Variants in LRRC37A2 observed in about 807,000 individuals in gnomAD.
LRRC37A2 encodes leucine-rich repeat-containing protein 37A2.
In LRRC37A2, 9 loss-of-function variants were observed where a neutral mutation model predicts 68.8. That is an observed-to-expected ratio of 0.13 (90% CI 0.08 to 0.23). The LOEUF (loss-of-function observed/expected upper bound fraction) is 0.23. Among genes scored for constraint, LRRC37A2 ranks in the 10% least tolerant of loss-of-function variants. LRRC37A2 has a pLI of 1.00. For missense variants in LRRC37A2, 168 were observed against 950.4 expected (o/e 0.18, Z 10.82); for synonymous variants, 63 against 367.6 (o/e 0.17, Z 9.48).
the LRRC37A2 span, among the ~76,000 whole-genome samples, chr17:47,008,552 G>T: frequency 6.6e-6 from 1 of 151,152 alleles, no homozygotes; most frequent in African/African-American, 2.4e-5. Flanking sequence ...TCCACCTCCC[G>T]GGTTCAAGCA....
chr17:46,477,358 A>G, the LRRC37A2 span, among the ~76,000 whole-genome samples: 1 of 14,840 alleles, frequency 6.7e-5, no homozygotes, highest in South Asian at 3.5e-3. Flanking sequence ...CCTGGCTAAC[A>G]CGGTGAAACC....
the LRRC37A2 span, among the ~76,000 whole-genome samples, chr17:46,977,944 G>A: frequency 1.3e-5 from 2 of 152,364 alleles, no homozygotes; most frequent in South Asian, 4.1e-4. Flanking sequence ...CACAGGACCT[G>A]CCTTCTCCGC....
At chr17:46,965,118 CATT>C in the LRRC37A2 span, 1 of 152,306 alleles carries the variant, frequency 6.6e-6, no homozygotes, top group East Asian at 1.9e-4. Flanking sequence ...TGGAGTATCT[CATT>C]ATCCTAGTCT....
chr17:46,797,203 A>G, the LRRC37A2 span, among the ~76,000 whole-genome samples: 1 of 152,194 alleles, frequency 6.6e-6, no homozygotes, highest in Non-Finnish European at 1.5e-5. Context: ...TGACTCCAGA[A>G]GCCTTTCTCA....
chr17:46,815,713 A>G, the LRRC37A2 span, among the ~76,000 whole-genome samples: 1 of 152,186 alleles, frequency 6.6e-6, no homozygotes, highest in African/African-American at 2.4e-5. Flanking sequence ...TAGTGCCTGG[A>G]CAGACAGGAC....
chr17:46,853,546 AT>A, the LRRC37A2 span, among the ~76,000 whole-genome samples: 680 of 151,632 alleles, frequency 4.5e-3, 10 homozygotes, highest in African/African-American at 0.016. Flanking sequence ...TAATTTTTGT[AT>A]TTTTAGTAGA....
chr17:46,953,010 C>T, the LRRC37A2 span, among the ~76,000 whole-genome samples: 3 of 151,776 alleles, frequency 2.0e-5, no homozygotes, highest in African/African-American at 7.3e-5. Flanking sequence ...CCCCCAAATT[C>T]TTTTTGTTTT....
the LRRC37A2 span, among the ~76,000 whole-genome samples, chr17:46,916,302 G>A: frequency 6.6e-6 from 1 of 152,206 alleles, no homozygotes; most frequent in East Asian, 1.9e-4. Context: ...AGGGCCAGAT[G>A]TTCCTTACAT....
At chr17:46,711,189 G>T in the LRRC37A2 span, 1 of 1,351,536 alleles carries the variant, frequency 7.4e-7, no homozygotes, top group Non-Finnish European at 9.7e-7. Context: ...AAGCCCGTAA[G>T]CACATTCTAG....
At chr17:46,711,950 A>G in the LRRC37A2 span, among the ~76,000 whole-genome samples, 1 of 152,224 alleles carries the variant, frequency 6.6e-6, no homozygotes, top group African/African-American at 2.4e-5. Context: ...AGCAGATAGA[A>G]GCCAGTTCAT....
the LRRC37A2 span, among the ~76,000 whole-genome samples, chr17:46,830,417 A>G: frequency 6.6e-6 from 1 of 151,900 alleles, no homozygotes; most frequent in East Asian, 1.9e-4. Context: ...GCACCTGCCT[A>G]ACTTTTTATT....
the LRRC37A2 span, chr17:46,924,012 AT>A: frequency 2.5e-6 from 1 of 396,464 alleles, no homozygotes; most frequent in Non-Finnish European, 4.4e-6. Context: ...TGTTTTAACA[AT>A]TTTTAAGTGT....
the LRRC37A2 span, among the ~76,000 whole-genome samples, chr17:46,861,046 G>C: frequency 5.3e-5 from 8 of 152,102 alleles, no homozygotes; most frequent in Non-Finnish European, 1.2e-4. Flanking sequence ...TTATAGGTGT[G>C]CGTGTTGGGG....
intron 6 of LRRC37A2, among the ~76,000 whole-genome samples, chr17:46,534,457 T>C (rs1214645586): frequency 1.3e-5 from 2 of 148,872 alleles, no homozygotes; most frequent in African/African-American, 2.6e-5. Context: ...GCACCGCCCT[T>C]AATCCATTCA....
the LRRC37A2 span, chr17:46,939,421 A>G: frequency 1.0e-6 from 1 of 993,606 alleles, no homozygotes; most frequent in Non-Finnish European, 1.2e-6. Context: ...AAGTGAGGCC[A>G]GTGTTATTTC....
chr17:46,898,879 C>T, the LRRC37A2 span, among the ~76,000 whole-genome samples: 3 of 152,116 alleles, frequency 2.0e-5, no homozygotes, highest in East Asian at 1.9e-4. Flanking sequence ...TTAAACATAG[C>T]GTTACCATAT....
At chr17:46,979,232 C>A in the LRRC37A2 span, 1 of 418,500 alleles carries the variant, frequency 2.4e-6, no homozygotes. Flanking sequence ...GGCGCAGGAG[C>A]TGGAGCCGGA....
At chr17:46,937,125 A>C in the LRRC37A2 span, 1 of 152,298 alleles carries the variant, frequency 6.6e-6, no homozygotes, top group African/African-American at 2.4e-5. Context: ...ATTAGAAAGC[A>C]GTAGGGAAGG....
the LRRC37A2 span, chr17:46,936,277 T>C: frequency 5.1e-6 from 5 of 985,240 alleles, no homozygotes; most frequent in Non-Finnish European, 6.0e-6. Context: ...GTAGAGGCCT[T>C]TTAGGACCAA....
Sources: allele counts gnomAD v4.1 joint callset (sites outside exome capture counted in the v4.1 genomes callset), GRCh38; gene constraint gnomAD v4.1.1; transcripts MANE v1.5; gene names NCBI Gene and HGNC (gene_info 2026-07-23, HGNC 2026-07-21).